Variants in RBP3 observed in about 807,000 individuals in gnomAD.
The protein encoded by RBP3 is retinol binding protein 3.
A neutral mutation model predicts 64.8 loss-of-function variants in RBP3; 50 were observed. That is an observed-to-expected ratio of 0.77 (90% CI 0.61 to 0.98). The LOEUF is 0.98. Among genes scored for constraint, RBP3 ranks in the 50% least tolerant of loss-of-function variants. The pLI is 0.00. For synonymous variants in RBP3, 828 were observed against 730.2 expected, an observed-to-expected ratio of 1.13 and a Z score of -2.16; for missense variants, 1,712 against 1,660.5, an observed-to-expected ratio of 1.03 and a Z score of -0.54.
rs1836958821 is a variant in RBP3, at chr10:47,350,851, C to T, written c.2367C>T (p.Tyr789=). 6.2e-7 allele frequency: 1 copy of T among 1,613,034 alleles called. No homozygotes were observed. The highest frequency in any genetic ancestry group is 1.3e-5 in the African/African-American group (1 of 75,056). Residue 789 remains tyrosine (Y), a synonymous_variant, in exon 1 of 4, where the codon TAC becomes TAT. Transcript: ENST00000584701. ...ACCTGCGCTACAACCCTGGCAGCTA[C>T]TCCACGGCCATCCCGCTGCTCTGCT... ...VIDLRYNPGS[Y]STAIPLLCSY... is the part of the protein sequence containing the mutation.
At position 47,350,644 on chromosome 10, in the gene RBP3, C is replaced by A; in HGVS notation, c.2160C>A (p.Val720=). 1 of 1,612,840 alleles carries A rather than the reference C, an allele frequency of 6.2e-7. No individual in the cohort carries two copies. The highest frequency in any genetic ancestry group is 8.5e-7 in the Non-Finnish European group (1 of 1,180,026). ...VEEAPPPPPA[V]PSPEELTYLI... ...AAGCACCCCCACCACCCCCTGCTGT[C>A]CCCTCTCCAGAGGAGCTCACCTACC... The change falls in exon 1 of 4, where the codon GTC becomes GTA. Residue 720 remains valine (V), a synonymous_variant. Coordinates refer to ENST00000584701, the MANE Select transcript of RBP3 (RefSeq NM_002900.3).
chr10:47,348,583 G>T lies in RBP3; in HGVS notation c.99G>T (p.Lys33Asn). The T allele has an allele frequency of 6.2e-7, 1 of 1,613,394 alleles. No homozygotes were observed. Among genetic ancestry groups the T allele is most frequent in the Non-Finnish European group, 8.5e-7 (1 of 1,180,038 alleles). ...FQPSLVLDMA[K>N]VLLDNYCFPE... ...CAAGCCTGGTGCTGGACATGGCCAA[G>T]GTCCTCTTGGATAACTACTGCTTCC... is the stretch of plus-strand genomic sequence containing the variant. The change falls in exon 1 of 4, where the codon AAG becomes AAT. Residue 33 changes from lysine to asparagine, a missense_variant. Coordinates refer to ENST00000584701, the MANE Select transcript of RBP3 (RefSeq NM_002900.3).
chr10:47,348,895 C>G lies in RBP3; in HGVS notation c.411C>G (p.Ser137Arg), dbSNP rs184452710. The change falls in exon 1 of 4, where the codon AGC (serine) becomes AGG (arginine). Residue 137 changes from serine to arginine, a missense_variant. Ser to Arg is a moderately radical substitution (Grantham distance 110). Coordinates refer to ENST00000584701, the MANE Select transcript of RBP3 (RefSeq NM_002900.3). ...ATGTGGGCTACCTGCGGGTGGACAG[C>G]GTCCCGGGCCAGGAGGTGCTGAGCA... ...EGNVGYLRVD[S>R]VPGQEVLSMM... The G allele has an allele frequency of 8.7e-6, 14 of 1,613,784 alleles. No homozygotes were observed. Among genetic ancestry groups the G allele is most frequent in the Non-Finnish European group, 1.2e-5 (14 of 1,179,996 alleles).
In RBP3 at chr10:47,349,208, A is replaced by C. The variant is rs1462322400; in HGVS notation, c.724A>C (p.Ile242Leu). The C allele has an allele frequency of 6.2e-7, 1 of 1,613,442 alleles. No individual in the cohort carries two copies. Among genetic ancestry groups the C allele is most frequent in the South Asian group, 1.1e-5 (1 of 91,086 alleles). ...SSQTRGVAED[I>L]AHILKQMRRA... ...CCAGACCAGGGGCGTGGCCGAGGAC[A>C]TCGCGCACATCCTTAAGCAGATGCG... The change falls in exon 1 of 4, where the codon ATC (isoleucine) becomes CTC (leucine). Residue 242 changes from isoleucine to leucine, a missense_variant. Physicochemically the swap from Ile to Leu is conservative, Grantham distance 5. Transcript: ENST00000584701.
In RBP3 at chr10:47,349,858, A is replaced by G. The variant is rs1836929836; in HGVS notation, c.1374A>G (p.Pro458=). The change falls in exon 1 of 4, where the codon CCA becomes CCG. Residue 458 remains proline, a synonymous_variant. Transcript: ENST00000584701. The part of the protein sequence containing the change: ...ADASVLGVLA[P]YVLRQVWEPL... ...CCTCCGTCCTGGGTGTGTTGGCCCC[A>G]TATGTCCTGCGCCAGGTGTGGGAGC... 2 of 1,613,178 alleles carry G rather than the reference A, an allele frequency of 1.2e-6. No individual in the cohort carries two copies. Among genetic ancestry groups the G allele is most frequent in the Non-Finnish European group, 1.7e-6 (2 of 1,180,014 alleles).
intron 3 of RBP3, 137 bp from the exon 4 acceptor site, chr10:47,356,965 G>A: frequency 1.4e-6 from 1 of 695,182 alleles, no homozygotes; most frequent in East Asian, 2.7e-5. Context: ...GAAGTCAAGT[G>A]GCTCACAAGT....
chr10:47,353,940 G>A (rs1237678536), intron 2 of RBP3, among the ~76,000 whole-genome samples: 1 of 152,196 alleles, frequency 6.6e-6, no homozygotes, highest in Non-Finnish European at 1.5e-5. Context: ...AGTGGTGTGT[G>A]AGACAGCCAG....
At position 47,351,150 on chromosome 10, in the gene RBP3, T is replaced by C. The variant is rs1836966480; in HGVS notation, c.2666T>C (p.Leu889Ser). The C allele has an allele frequency of 6.2e-7, 1 of 1,613,060 alleles. No individual in the cohort carries two copies. Among genetic ancestry groups the C allele is most frequent in the African/African-American group, 1.3e-5 (1 of 75,052 alleles). The change falls in exon 1 of 4, where the codon TTA becomes TCA. Residue 889 changes from leucine to serine, a missense_variant. By Grantham distance (145) the Leu-to-Ser change is moderately radical. Transcript: ENST00000584701. Reference protein sequence around the residue: ...VGIYQVGSSPLYASMPTQMAM... With the variant: ...VGIYQVGSSPSYASMPTQMAM... ...ATCTACCAGGTGGGCAGCAGCCCCT[T>C]ATATGCATCCATGCCCACCCAGATG...
rs139452142 is a variant in RBP3 at position 47,350,260 on chromosome 10, C to G, written c.1776C>G (p.Thr592=). ...CACCCGAAGGCAGCCTCGCGCTCAC[C>G]GTGCCGGTCCTCACCTTCATCGACA... ...LDTPEGSLAL[T]VPVLTFIDNH... is the part of the protein sequence containing the mutation. The change falls in exon 1 of 4, where the codon ACC becomes ACG. Residue 592 remains threonine, a synonymous_variant. Transcript: ENST00000584701. 68 of 1,607,442 alleles carry G rather than the reference C, an allele frequency of 4.2e-5. No individual in the cohort carries two copies. In the African/African-American group the frequency reaches 7.9e-4, roughly 19 times the overall value.
rs782209617 is a variant in RBP3 at position 47,350,441 on chromosome 10, C to T, written c.1957C>T (p.Arg653Trp). The stretch of plus-strand genomic sequence containing the variant: ...GCACCTGCTGGAGGCCCACTATGCT[C>T]GGCCAGAGGTCGTGGGGCAGACCAG... Reference protein sequence around the residue: ...TGHLLEAHYARPEVVGQTSAL... With the variant: ...TGHLLEAHYAWPEVVGQTSAL... The change falls in exon 1 of 4, where the codon CGG (arginine) becomes TGG (tryptophan). Residue 653 changes from arginine (R) to tryptophan (W), a missense_variant. Transcript: ENST00000584701. 5.6e-6 allele frequency: 9 copies of T among 1,612,042 alleles called. No individual in the cohort carries two copies. The highest frequency in any genetic ancestry group is 4.5e-5 in the East Asian group (2 of 44,872).
Position 47,348,407 on chromosome 10 carries a change from C to A in RBP3, c.-78C>A, listed in dbSNP as rs1836888954. 21 of 1,513,890 alleles carry A rather than the reference C, an allele frequency of 1.4e-5. No homozygotes were observed. Among genetic ancestry groups the A allele is most frequent in the Non-Finnish European group, 1.9e-5 (21 of 1,119,218 alleles). 93.8% of individuals were successfully genotyped at this position (1,513,890 alleles called of 1,614,324 possible). ...TGAGAAGGACAAGGGCGGAAGGCAG[C>A]TGCACAGAGCAGGGCCACGGCCTTG... On this transcript the variant is annotated 5_prime_UTR_variant, in exon 1 of 4. The change creates a new upstream start codon in the 5' untranslated region. Transcript: ENST00000584701.
rs781918448 is a variant in RBP3 at position 47,351,301 on chromosome 10, G to A, written c.2817G>A (p.Thr939=). 2.5e-5 allele frequency: 40 copies of A among 1,613,524 alleles called. No individual in the cohort carries two copies. The highest frequency in any genetic ancestry group is 3.3e-5 in the Non-Finnish European group (39 of 1,180,042). ...DIVALRAKVP[T]VLQTAGKLVA... is the part of the protein sequence containing the mutation. Reference sequence around the variant, plus strand: ...TGGCTCTGCGTGCCAAGGTGCCCACGGTGCTGCAGACGGCCGGGAAGCTGG... The same window carrying A: ...TGGCTCTGCGTGCCAAGGTGCCCACAGTGCTGCAGACGGCCGGGAAGCTGG... Residue 939 remains threonine (T), a synonymous_variant, in exon 1 of 4, where the codon ACG becomes ACA. Coordinates refer to ENST00000584701, the MANE Select transcript of RBP3 (RefSeq NM_002900.3).
chr10:47,352,512 G>A (rs782135565), intron 1 of RBP3, among the ~76,000 whole-genome samples: 11 of 152,190 alleles, frequency 7.2e-5, no homozygotes, highest in African/African-American at 1.9e-4. Context: ...CCCATTTTCC[G>A]CAACTGAGGC....
In RBP3 at chr10:47,350,231, G is replaced by T. The variant is rs1555211299; in HGVS notation, c.1747G>T (p.Asp583Tyr). 4 of 1,608,374 alleles carry T rather than the reference G, an allele frequency of 2.5e-6. No homozygotes were observed. The highest frequency in any genetic ancestry group is 1.6e-4 in the Middle Eastern group (1 of 6,062). The change falls in exon 1 of 4, where the codon GAC (aspartate) becomes TAC (tyrosine). Residue 583 changes from aspartate to tyrosine, a missense_variant. Asp to Tyr is a radical substitution (Grantham distance 160). Transcript: ENST00000584701. ...GCACACCCGCACGGTGCCGCTGCTGGACACACCCGAAGGCAGCCTCGCGCT... is the reference window on the plus strand; with the variant it reads ...GCACACCCGCACGGTGCCGCTGCTGTACACACCCGAAGGCAGCCTCGCGCT... ...LLHTRTVPLLDTPEGSLALTV... is the reference protein window; with the variant it reads ...LLHTRTVPLLYTPEGSLALTV...
rs782234227 is a variant in RBP3 at position 47,350,217 on chromosome 10, C to T, written c.1733C>T (p.Thr578Met). ...ITAGNLLHTR[T>M]VPLLDTPEGS... The stretch of plus-strand genomic sequence containing the variant: ...GCGGGCAACCTGCTGCACACCCGCA[C>T]GGTGCCGCTGCTGGACACACCCGAA... Residue 578 changes from threonine (T) to methionine (M), a missense_variant, in exon 1 of 4, where the codon ACG becomes ATG. Coordinates refer to ENST00000584701, the MANE Select transcript of RBP3 (RefSeq NM_002900.3). The T allele has an allele frequency of 1.5e-5, 24 of 1,608,944 alleles. No homozygotes were observed. The highest frequency in any genetic ancestry group is 1.6e-4 in the Middle Eastern group (1 of 6,084).
Position 47,357,556 on chromosome 10 carries a change from A to T in RBP3, c.*99A>T. On this transcript the variant is annotated 3_prime_UTR_variant, in exon 4 of 4. Coordinates refer to ENST00000584701, the MANE Select transcript of RBP3 (RefSeq NM_002900.3). ...GGCCCGGCCTGAGGTTCCCAGGAGCAGCAAAGGGGCCTGCTGAGCTCTGGT... is the reference window on the plus strand; with the variant it reads ...GGCCCGGCCTGAGGTTCCCAGGAGCTGCAAAGGGGCCTGCTGAGCTCTGGT... 9.8e-7 allele frequency: 1 copy of T among 1,021,194 alleles called. No homozygotes were observed. The highest frequency in any genetic ancestry group is 1.5e-5 in the South Asian group (1 of 65,216). 63.3% of individuals were successfully genotyped at this position (1,021,194 alleles called of 1,614,324 possible).
chr10:47,356,447 A>AGATGTGCTGGAAGTGT (rs1357966054), intron 3 of RBP3, among the ~76,000 whole-genome samples: 3 of 152,154 alleles, frequency 2.0e-5, no homozygotes, highest in Admixed American at 6.5e-5. Flanking sequence ...TCCCAAGTTG[A>AGATGTGCTGGAAGTGT]GATGTGCTGG....
chr10:47,355,264 G>T, intron 2 of RBP3, 112 bp from the exon 3 acceptor site: 1 of 1,351,024 alleles, frequency 7.4e-7, no homozygotes, highest in South Asian at 1.3e-5. Flanking sequence ...CTAGACTGAG[G>T]CTGCCAAGAA....
At position 47,350,964 on chromosome 10, in the gene RBP3, C is replaced by T. The variant is rs1555211481; in HGVS notation, c.2480C>T (p.Pro827Leu). 6.2e-7 allele frequency: 1 copy of T among 1,612,612 alleles called. No homozygotes were observed. The highest frequency in any genetic ancestry group is 8.5e-7 in the Non-Finnish European group (1 of 1,180,000). ...AAAGTCACGGAGGTGTGGACCTTGC[C>T]CCAGGTCGCCGGCCAGCGCTACGGC... ...TSKVTEVWTL[P>L]QVAGQRYGSH... The change falls in exon 1 of 4, where the codon CCC (proline) becomes CTC (leucine). Residue 827 changes from proline (P) to leucine (L), a missense_variant. Pro to Leu is a moderately conservative substitution (Grantham distance 98). Transcript: ENST00000584701.
Sources: allele counts gnomAD v4.1 joint callset (sites outside exome capture counted in the v4.1 genomes callset), GRCh38; gene constraint gnomAD v4.1.1; transcripts MANE v1.5; gene names NCBI Gene and HGNC (gene_info 2026-07-23, HGNC 2026-07-21).